The following CCNK variants were observed in gnomAD, a reference collection of about 807,000 sequenced individuals.
The protein encoded by CCNK is cyclin-K.
Under a neutral mutation model 65.0 loss-of-function variants are expected in CCNK, and 9 were observed. That is an observed-to-expected ratio of 0.14 (90% CI 0.08 to 0.24). The LOEUF (loss-of-function observed/expected upper bound fraction) is 0.24, where lower values mean the gene tolerates loss of function less well. CCNK is among the 10% of genes least tolerant of loss of function. The pLI, the probability that CCNK is intolerant of heterozygous loss-of-function variation, is 1.00. For missense variants in CCNK, 474 were observed against 720.0 expected (o/e 0.66, Z 3.91); for synonymous variants, 279 against 270.8 (o/e 1.03, Z -0.30).
chr14:99,510,236 C>T lies in CCNK; in HGVS notation c.1197C>T (p.Val399=), dbSNP rs777873456. The change falls in exon 11 of 11, where the codon GTC becomes GTT. Residue 399 remains valine, a synonymous_variant. Coordinates refer to ENST00000389879, the MANE Select transcript of CCNK (RefSeq NM_001099402.2). The part of the protein sequence containing the change: ...GPVDATDLPK[V]QIPPPAHPAP... ...TGGATGCCACTGACCTCCCCAAAGT[C>T]CAGATTCCCCCTCCGGCCCACCCGG... The T allele has an allele frequency of 2.3e-5, 36 of 1,593,924 alleles. No individual in the cohort carries two copies. Among genetic ancestry groups the T allele is most frequent in the Non-Finnish European group, 2.9e-5 (34 of 1,173,716 alleles).
intron 4 of CCNK, among the ~76,000 whole-genome samples, chr14:99,495,900 A>C (rs994777553): frequency 6.6e-6 from 1 of 152,180 alleles, no homozygotes; most frequent in Non-Finnish European, 1.5e-5. Context: ...AAATCCTCTT[A>C]ATTGCCATTA....
At chr14:99,495,707 G>A (rs551635560) in intron 4 of CCNK, 78 bp downstream of exon 4, 34 of 1,310,356 alleles carry the variant, frequency 2.6e-5, no homozygotes, top group Middle Eastern at 1.9e-4. Flanking sequence ...TGTTGACAGT[G>A]CCTGTAGCCC....
At chr14:99,495,344 C>T (rs1896678896) in intron 3 of CCNK, 154 bp from the exon 4 acceptor site, 7 of 436,370 alleles carry the variant, frequency 1.6e-5, no homozygotes, top group East Asian at 1.6e-4. Flanking sequence ...ATAAAATTTC[C>T]TTCAAGCTTC....
At chr14:99,503,497 C>T (rs1484867927) in intron 8 of CCNK, 114 bp from the exon 9 acceptor site, 12 of 839,014 alleles carry the variant, frequency 1.4e-5, no homozygotes, top group African/African-American at 3.5e-5. Context: ...AATTTTTGTC[C>T]GAGGCTGTTC....
In CCNK at chr14:99,497,824, CTT is replaced by C. The variant is rs201411986; in HGVS notation, c.411+2198_411+2199del. Reference sequence around the variant, plus strand: ...CTAAGTATTGCCAATGTGGGTAACTCTTTTGAACTTAATTATAAATCCATTAA... The same window carrying C: ...CTAAGTATTGCCAATGTGGGTAACTCTTGAACTTAATTATAAATCCATTAA... On this transcript the variant is annotated intron_variant, in intron 4 of 10. Transcript: ENST00000389879. 2.7e-3 allele frequency among the ~76,000 whole-genome samples: 405 copies of C among 152,302 alleles called. 2 individuals are homozygous for C. Among genetic ancestry groups the C allele is most frequent in the African/African-American group, 9.4e-3 (391 of 41,550 alleles).
At chr14:99,501,096 A>G in intron 5 of CCNK, 1 of 600,042 alleles carries the variant, frequency 1.7e-6, no homozygotes, top group Non-Finnish European at 2.9e-6. Flanking sequence ...AGAGGCAGGA[A>G]AATGAGGCAG....
At chr14:99,486,772 G>A (rs1323237998) in intron 1 of CCNK, among the ~76,000 whole-genome samples, 1 of 152,172 alleles carries the variant, frequency 6.6e-6, no homozygotes, top group Non-Finnish European at 1.5e-5. Flanking sequence ...GGAGACAGGT[G>A]TATTAGGCAT....
In CCNK at chr14:99,510,087, G is replaced by A. The variant is rs532997666; in HGVS notation, c.1118-70G>A. 1.8e-4 allele frequency: 271 copies of A among 1,466,410 alleles called. 1 individual carries two copies. In the East Asian group the frequency reaches 6.2e-3, roughly 34 times the overall value. 90.8% of individuals were successfully genotyped at this position (1,466,410 alleles called of 1,614,324 possible). On this transcript the variant is annotated intron_variant, in intron 10 of 10. Transcript: ENST00000389879. ...GCTCCTCTGTAAAGATGGCCCTGAA[G>A]GGCCAGGAGGCACTGAAAAAGCAAC...
chr14:99,495,565 T>C lies in CCNK; in HGVS notation c.347T>C (p.Ile116Thr). ...GAAACACCAAAAAAATGTAAAGATA[T>C]CATCAAAACAGCTCGTAGTTTATTA... ...VEETPKKCKD[I>T]IKTARSLLND... Residue 116 changes from isoleucine (I) to threonine (T), a missense_variant, in exon 4 of 11, where the codon ATC becomes ACC. By Grantham distance (89) the Ile-to-Thr change is moderately conservative. This residue lies in a region of CCNK where 87 missense variants were observed against 166.2 expected (regional missense o/e 0.52). Coordinates refer to ENST00000389879, the MANE Select transcript of CCNK (RefSeq NM_001099402.2). 1.9e-6 allele frequency: 3 copies of C among 1,613,454 alleles called. No individual in the cohort carries two copies. The highest frequency in any genetic ancestry group is 2.5e-6 in the Non-Finnish European group (3 of 1,179,666).
chr14:99,493,011 T>C, intron 2 of CCNK, 137 bp downstream of exon 2: 1 of 783,048 alleles, frequency 1.3e-6, no homozygotes. Flanking sequence ...GAATGTTGTT[T>C]CTGGTGGGGG....
intron 1 of CCNK, among the ~76,000 whole-genome samples, chr14:99,485,441 T>G (rs1291308019): frequency 1.3e-5 from 2 of 152,212 alleles, no homozygotes; most frequent in Admixed American, 1.3e-4. Flanking sequence ...AAAAATATCT[T>G]TCTCAAACTT....
At chr14:99,498,048 T>C (rs1896738666) in intron 4 of CCNK, among the ~76,000 whole-genome samples, 1 of 152,190 alleles carries the variant, frequency 6.6e-6, no homozygotes, top group African/African-American at 2.4e-5. Flanking sequence ...CACACCCCCG[T>C]CACAGGGGCA....
Position 99,510,781 on chromosome 14 carries a change from A to G in CCNK, c.1742A>G (p.Ter581=). 2 of 1,432,462 alleles carry G rather than the reference A, an allele frequency of 1.4e-6. No homozygotes were observed. Among genetic ancestry groups the G allele is most frequent in the Non-Finnish European group, 1.8e-6 (2 of 1,093,752 alleles). The allele number at this position is 1,432,462 out of a possible 1,614,324, so 88.7% of individuals were successfully genotyped here. Residue 581 remains the stop codon, a stop_retained_variant, in exon 11 of 11, where the codon TAA becomes TGA. Coordinates refer to ENST00000389879, the MANE Select transcript of CCNK (RefSeq NM_001099402.2). The stretch of plus-strand genomic sequence containing the variant: ...CTGGGGCGGGCAGCCTGGATGAGAT[A>G]ACGTGAGCCTTTTTTCCCTCTTTGT... ...GGLGRAAWMR[*]
Position 99,511,560 on chromosome 14 carries a change from C to T in CCNK, c.*778C>T, listed in dbSNP as rs1221962201. 6.6e-6 allele frequency: 1 copy of T among 152,490 alleles called. No individual in the cohort carries two copies. Among genetic ancestry groups the T allele is most frequent in the African/African-American group, 2.4e-5 (1 of 41,456 alleles). 9.4% of individuals were successfully genotyped at this position (152,490 alleles called of 1,614,324 possible). ...TGGAAGGTGGGGCTCCAGGCCTTCG[C>T]AGTCTGTGGCTTATAAAATGTGCAG... On this transcript the variant is annotated 3_prime_UTR_variant, in exon 11 of 11. Coordinates refer to ENST00000389879, the MANE Select transcript of CCNK (RefSeq NM_001099402.2).
In CCNK at chr14:99,511,795, G is replaced by A. The variant is rs971369515; in HGVS notation, c.*1013G>A. 2.0e-5 allele frequency: 3 copies of A among 152,624 alleles called. No homozygotes were observed. The highest frequency in any genetic ancestry group is 1.9e-4 in the East Asian group (1 of 5,196). The allele number at this position is 152,624 out of a possible 1,614,324, so 9.5% of individuals were successfully genotyped here. A position where few individuals can be genotyped will look rare whatever the true frequency, so the allele number is the denominator to read the frequency against. ...GTTTGAAACTTTGAAGCCTTGCTGC[G>A]TAGAACGCACACAGGAACCCGGGGG... On this transcript the variant is annotated 3_prime_UTR_variant, in exon 11 of 11. Coordinates refer to ENST00000389879, the MANE Select transcript of CCNK (RefSeq NM_001099402.2).
chr14:99,486,817 C>G (rs1165933163), intron 1 of CCNK, among the ~76,000 whole-genome samples: 1 of 152,196 alleles, frequency 6.6e-6, no homozygotes, highest in Non-Finnish European at 1.5e-5. Context: ...CTAACTCTTC[C>G]TCTTTCTGCA....
chr14:99,493,644 C>A, intron 3 of CCNK, 49 bp downstream of exon 3: 2 of 1,289,940 alleles, frequency 1.6e-6, no homozygotes, highest in Non-Finnish European at 2.2e-6. Context: ...TTATTATTTC[C>A]ACACAGTTTG....
chr14:99,489,994 G>A (rs2139853982), intron 1 of CCNK, among the ~76,000 whole-genome samples: 1 of 152,328 alleles, frequency 6.6e-6, no homozygotes, highest in South Asian at 2.1e-4. Context: ...GAACACCACA[G>A]TTGTAATCGT....
rs761883162 is a variant in CCNK at position 99,503,655 on chromosome 14, GT to G, written c.1045+13del. ...AGAACAAAGCAGCAGGTAATTTCCTGTTCTGATGTTTTTTTAGTTTTATGTG... is the reference window on the plus strand; with the variant it reads ...AGAACAAAGCAGCAGGTAATTTCCTGTCTGATGTTTTTTTAGTTTTATGTG... On this transcript the variant is annotated intron_variant, in intron 9 of 10. Transcript: ENST00000389879. The G allele has an allele frequency of 6.4e-7, 1 of 1,553,460 alleles. No homozygotes were observed. The highest frequency in any genetic ancestry group is 8.7e-7 in the Non-Finnish European group (1 of 1,147,186).
Sources: allele counts gnomAD v4.1 joint callset (sites outside exome capture counted in the v4.1 genomes callset), GRCh38; gene constraint gnomAD v4.1.1; regional missense constraint gnomAD v4.1.1; transcripts MANE v1.5; gene names NCBI Gene and HGNC (gene_info 2026-07-23, HGNC 2026-07-21).